The following GRIA2 variants were observed in gnomAD, a reference collection of about 807,000 sequenced individuals.
GRIA2 encodes glutamate ionotropic receptor AMPA type subunit 2.
Under a neutral mutation model 97.3 loss-of-function variants are expected in GRIA2, and 14 were observed. The ratio of observed to expected loss-of-function variants is 0.14; its 90% CI spans 0.10 to 0.23. GRIA2 has a LOEUF of 0.23. Ranked by LOEUF, GRIA2 falls within the 10% of genes least tolerant of loss-of-function variation. GRIA2 has a pLI of 1.00. For synonymous variants in GRIA2, 412 were observed against 387.8 expected (o/e 1.06, Z -0.73); for missense variants, 558 against 1,069.8 (o/e 0.52, Z 6.67).
At position 157,363,056 on chromosome 4, in the gene GRIA2, G is replaced by A. The variant is rs773350562; in HGVS notation, c.*3+9G>A. ...GTGTTAAAATTTAGGGGGTAGGAAC[G>A]AGGCTCTAATACAAACTTTTTAGTG... On this transcript the variant is annotated intron_variant, in intron 15 of 15. Transcript: ENST00000264426. 6 of 1,602,758 alleles carry A rather than the reference G, an allele frequency of 3.7e-6. No homozygotes were observed. Among genetic ancestry groups the A allele is most frequent in the Non-Finnish European group, 5.1e-6 (6 of 1,173,710 alleles).
chr4:157,232,010 G>A (rs1730041646), intron 2 of GRIA2, among the ~76,000 whole-genome samples: 2 of 152,020 alleles, frequency 1.3e-5, no homozygotes, highest in African/African-American at 4.8e-5. Flanking sequence ...TTATTCAAAG[G>A]ACAATTTAAG....
chr4:157,245,373 A>G (rs1024082553), intron 2 of GRIA2, among the ~76,000 whole-genome samples: 1 of 152,070 alleles, frequency 6.6e-6, no homozygotes, highest in African/African-American at 2.4e-5. Context: ...TCTATATTCT[A>G]GTGATAATAG....
chr4:157,264,343 C>A (rs1731675013), intron 2 of GRIA2, among the ~76,000 whole-genome samples: 1 of 152,006 alleles, frequency 6.6e-6, no homozygotes, highest in Non-Finnish European at 1.5e-5. Context: ...TTGCCTTGTC[C>A]AACTTCTAGG....
chr4:157,272,089 A>G (rs1561021041), intron 2 of GRIA2, among the ~76,000 whole-genome samples: 1 of 152,106 alleles, frequency 6.6e-6, no homozygotes, highest in Non-Finnish European at 1.5e-5. Context: ...GTTTTTTAAA[A>G]TAGCTTTTTG....
rs181575624 is a variant in GRIA2, at chr4:157,248,027, C to T, written c.229+26220C>T. The stretch of plus-strand genomic sequence containing the variant: ...CCTAGGTTGTAGAGTTCTCCCTTAA[C>T]GTTTTGTACTCTGGGGATAACTCTT... On this transcript the variant is annotated intron_variant, in intron 2 of 15. Transcript: ENST00000264426. Among the ~76,000 whole-genome samples the T allele has an allele frequency of 2.4e-3, 370 of 151,884 alleles. 4 individuals are homozygous for T. Among genetic ancestry groups the T allele is most frequent in the African/African-American group, 8.4e-3 (346 of 41,418 alleles).
At chr4:157,357,052 T>C (rs1736415429) in intron 12 of GRIA2, among the ~76,000 whole-genome samples, 1 of 152,176 alleles carries the variant, frequency 6.6e-6, no homozygotes, top group Admixed American at 6.6e-5. Context: ...GGAATGTTTT[T>C]CTGCTGGTTA....
At chr4:157,297,145 A>C (rs535991050) in intron 2 of GRIA2, among the ~76,000 whole-genome samples, 1 of 152,250 alleles carries the variant, frequency 6.6e-6, no homozygotes, top group African/African-American at 2.4e-5. Flanking sequence ...TCTAGTCAAT[A>C]GATGTTTAAG....
intron 8 of GRIA2, 78 bp downstream of exon 8, chr4:157,333,431 A>G (rs1735147285): frequency 1.6e-6 from 1 of 642,420 alleles, no homozygotes; most frequent in Non-Finnish European, 2.7e-6. Flanking sequence ...CTTCCAGAGA[A>G]TTCTGGAGAT....
rs1393033215 is a variant in GRIA2, at chr4:157,338,033, TATATATATATATATATAC to T, written c.1844+1288_1844+1305del. ...GTATATATATATATATATATATATA[TATATATATATATATATAC>T]ACACACATTTTTTTTATCTCTGACA... On this transcript the variant is annotated intron_variant, in intron 11 of 15. Transcript: ENST00000264426. 8.9e-3 allele frequency among the ~76,000 whole-genome samples: 101 copies of T among 11,386 alleles called. 3 individuals are homozygous for T. The highest frequency in any genetic ancestry group is 0.024 in the South Asian group (2 of 84). The allele number at this position is 11,386 out of a possible 152,430, so 7.5% of individuals were successfully genotyped here. A position where few individuals can be genotyped will look rare whatever the true frequency, so the allele number is the denominator to read the frequency against.
intron 12 of GRIA2, among the ~76,000 whole-genome samples, chr4:157,349,390 C>CA (rs1197086138): frequency 9.3e-5 from 14 of 150,324 alleles, no homozygotes; most frequent in Non-Finnish European, 1.8e-4. Context: ...GTTTTTTTTT[C>CA]ATAGTCAAAT....
intron 12 of GRIA2, among the ~76,000 whole-genome samples, chr4:157,355,530 A>G (rs1736213191): frequency 6.9e-6 from 1 of 144,986 alleles, no homozygotes. Context: ...CTTCATGTCA[A>G]AAAAAAAAAA....
chr4:157,242,708 C>T (rs1730561530), intron 2 of GRIA2, among the ~76,000 whole-genome samples: 1 of 152,070 alleles, frequency 6.6e-6, no homozygotes, highest in South Asian at 2.1e-4. Flanking sequence ...GAATTAGGTT[C>T]CTGTGAGCCT....
At chr4:157,338,023 T>TATATATATATATATATAC (rs1735373721) in intron 11 of GRIA2, among the ~76,000 whole-genome samples, 1 of 12,726 alleles carries the variant, frequency 7.9e-5, no homozygotes, top group Admixed American at 1.6e-3. Context: ...TATATATATA[T>TATATATATATATATATAC]ATATATATAT....
chr4:157,252,626 T>A (rs1025191455), intron 2 of GRIA2, among the ~76,000 whole-genome samples: 1 of 152,116 alleles, frequency 6.6e-6, no homozygotes, highest in East Asian at 1.9e-4. Flanking sequence ...TCTACCTAAT[T>A]GTGAACTAAT....
chr4:157,224,367 G>A (rs750604174), intron 2 of GRIA2, among the ~76,000 whole-genome samples: 10 of 152,130 alleles, frequency 6.6e-5, no homozygotes, highest in Non-Finnish European at 1.5e-4. Context: ...AAGAACTAGG[G>A]GGGTACTGTG....
intron 2 of GRIA2, among the ~76,000 whole-genome samples, chr4:157,222,906 C>T (rs1188175648): frequency 6.6e-6 from 1 of 152,240 alleles, no homozygotes; most frequent in African/African-American, 2.4e-5. Flanking sequence ...GTCGCGGCCA[C>T]TGTGCCTTCC....
chr4:157,224,370 G>T (rs542112393), intron 2 of GRIA2, among the ~76,000 whole-genome samples: 12 of 152,130 alleles, frequency 7.9e-5, no homozygotes, highest in African/African-American at 2.9e-4. Flanking sequence ...AACTAGGGGG[G>T]TACTGTGACA....
intron 9 of GRIA2, chr4:157,335,414 T>G (rs1579372854): frequency 2.2e-6 from 1 of 457,278 alleles, no homozygotes; most frequent in Non-Finnish European, 4.0e-6. Flanking sequence ...ATACAAAGAG[T>G]TTGTGGTTTT....
chr4:157,232,320 G>A (rs1730055623), intron 2 of GRIA2, among the ~76,000 whole-genome samples: 1 of 152,172 alleles, frequency 6.6e-6, no homozygotes, highest in Non-Finnish European at 1.5e-5. Flanking sequence ...ATCTGGAAGT[G>A]GAGCTCTCTA....
Sources: gnomAD v4.1 joint callset for allele counts (sites outside exome capture counted in the v4.1 genomes callset) on GRCh38, gnomAD v4.1.1 for gene constraint, MANE v1.5 for transcripts, NCBI Gene and HGNC (gene_info 2026-07-23, HGNC 2026-07-21) for gene names.